The following EBF3 variants were observed in gnomAD, a reference collection of about 807,000 sequenced individuals.
EBF3 encodes transcription factor COE3.
A neutral mutation model predicts 77.1 loss-of-function variants in EBF3; 18 were observed. That is an observed-to-expected ratio of 0.23 (90% CI 0.16 to 0.35). The LOEUF is 0.35. Ranked by LOEUF, EBF3 falls within the 10% of genes least tolerant of loss-of-function variation. The pLI is 1.00. For synonymous variants in EBF3, 350 were observed against 343.5 expected (o/e 1.02, Z -0.21); for missense variants, 558 against 860.0 (o/e 0.65, Z 4.39).
intron 6 of EBF3, among the ~76,000 whole-genome samples, chr10:129,881,241 C>G (rs1853185893): frequency 6.6e-6 from 1 of 152,320 alleles, no homozygotes; most frequent in South Asian, 2.1e-4. Flanking sequence ...GATAAAAATT[C>G]TAACCTGTCA....
At chr10:129,934,098 G>A (rs1398422340) in intron 6 of EBF3, among the ~76,000 whole-genome samples, 1 of 152,168 alleles carries the variant, frequency 6.6e-6, no homozygotes, top group African/African-American at 2.4e-5. Context: ...ACATTTAGCT[G>A]AGCATCTTGT....
chr10:129,947,428 A>C lies in EBF3; in HGVS notation c.554+9830T>G, dbSNP rs773203373. Among the ~76,000 whole-genome samples, 14 of 152,180 alleles carry C rather than the reference A, an allele frequency of 9.2e-5. No homozygotes were observed. Among genetic ancestry groups the C allele is most frequent in the Non-Finnish European group, 1.8e-4 (12 of 68,034 alleles). ...TGGCAATTAGGAAAATTTGTACTTT[A>C]ATTTATTAAACCAAAAAAGCCAACA... On this transcript the variant is annotated intron_variant, in intron 6 of 16. Coordinates refer to ENST00000440978, the MANE Select transcript of EBF3 (RefSeq NM_001375380.1). The surrounding 1 kb of genome is among the most constrained non-coding windows in gnomAD (Gnocchi z 4.5).
In EBF3 at chr10:129,930,549, C is replaced by T. The variant is rs548135556; in HGVS notation, c.554+26709G>A. On this transcript the variant is annotated intron_variant, in intron 6 of 16. Coordinates refer to ENST00000440978, the MANE Select transcript of EBF3 (RefSeq NM_001375380.1). ...ATTAACAAATCCCCCTCTCATATACCTATATCTATACCTGTCTATATCTAT... is the reference window on the plus strand; with the variant it reads ...ATTAACAAATCCCCCTCTCATATACTTATATCTATACCTGTCTATATCTAT... Among the ~76,000 whole-genome samples, 8 of 144,200 alleles carry T rather than the reference C, an allele frequency of 5.5e-5. No homozygotes were observed. In the East Asian group the frequency reaches 1.5e-3, roughly 28 times the overall value. The allele number at this position is 144,200 out of a possible 152,430, so 94.6% of individuals were successfully genotyped here. A position where few individuals can be genotyped will look rare whatever the true frequency, so the allele number is the denominator to read the frequency against.
intron 7 of EBF3, among the ~76,000 whole-genome samples, chr10:129,873,816 CCTG>C (rs1852574118): frequency 1.3e-5 from 2 of 152,198 alleles, no homozygotes; most frequent in South Asian, 4.1e-4. Flanking sequence ...CTCTTCAAAA[CCTG>C]CTCCACTAAT....
At chr10:129,857,559 C>T (rs1199840499) in intron 10 of EBF3, among the ~76,000 whole-genome samples, 2 of 152,232 alleles carry the variant, frequency 1.3e-5, no homozygotes, top group Non-Finnish European at 2.9e-5. Context: ...CTCTTGTCAT[C>T]GGATGGAGTG....
intron 15 of EBF3, among the ~76,000 whole-genome samples, chr10:129,839,486 C>T (rs979917617): frequency 1.3e-5 from 2 of 152,196 alleles, no homozygotes; most frequent in Non-Finnish European, 2.9e-5. Flanking sequence ...ACAGGGTGCC[C>T]ACCCCGTGTG....
chr10:129,945,515 T>C (rs1243897136), intron 6 of EBF3, among the ~76,000 whole-genome samples: 1 of 152,208 alleles, frequency 6.6e-6, no homozygotes, highest in African/African-American at 2.4e-5. Context: ...TCTATGATGA[T>C]AAATTAGCAT....
chr10:129,876,894 C>T (rs1248644156), intron 7 of EBF3, among the ~76,000 whole-genome samples: 1 of 111,620 alleles, frequency 9.0e-6, no homozygotes, highest in Admixed American at 8.5e-5. Flanking sequence ...AACCCCCCCC[C>T]CCCCCCCACC....
At chr10:129,955,064 T>A (rs1352312103) in intron 6 of EBF3, among the ~76,000 whole-genome samples, 1 of 152,148 alleles carries the variant, frequency 6.6e-6, no homozygotes, top group Non-Finnish European at 1.5e-5. Context: ...AATTCTTCAT[T>A]TTTTTCACGT....
At chr10:129,843,939 G>T (rs1850272852) in intron 11 of EBF3, among the ~76,000 whole-genome samples, 1 of 152,248 alleles carries the variant, frequency 6.6e-6, no homozygotes, top group Admixed American at 6.5e-5. Context: ...GTTTACGATT[G>T]TGCGGATTAA....
At chr10:129,851,918 T>C (rs1850911150) in intron 10 of EBF3, among the ~76,000 whole-genome samples, 1 of 152,246 alleles carries the variant, frequency 6.6e-6, no homozygotes, top group South Asian at 2.1e-4. Flanking sequence ...TTAATATCCA[T>C]TTGAGTAGGC....
In EBF3 at chr10:129,935,169, C is replaced by G. The variant is rs144516744; in HGVS notation, c.554+22089G>C. ...ATGCATTTTCCTGTCTCCACTCCAG[C>G]CAAATGTAGCCACATTGTGAGCTGC... On this transcript the variant is annotated intron_variant, in intron 6 of 16. Transcript: ENST00000440978. The surrounding 1 kb of genome is among the most constrained non-coding windows in gnomAD (Gnocchi z 4.2). Among the ~76,000 whole-genome samples, 600 of 152,264 alleles carry G rather than the reference C, an allele frequency of 3.9e-3. 1 individual carries two copies. The highest frequency in any genetic ancestry group is 6.4e-3 in the Non-Finnish European group (432 of 68,010).
At chr10:129,961,336 T>C (rs1390717590) in intron 4 of EBF3, among the ~76,000 whole-genome samples, 2 of 151,960 alleles carry the variant, frequency 1.3e-5, no homozygotes, top group Non-Finnish European at 2.9e-5. Context: ...TTTAAGAAAA[T>C]GGGGGCGGGG....
chr10:129,953,573 T>G (rs1247215235), intron 6 of EBF3, among the ~76,000 whole-genome samples: 1 of 152,218 alleles, frequency 6.6e-6, no homozygotes, highest in Non-Finnish European at 1.5e-5. Context: ...GCCGCAGAGA[T>G]GCCAGCGAGT....
At position 129,963,935 on chromosome 10, in the gene EBF3, C is replaced by A; in HGVS notation, c.-167G>T. 9.4e-7 allele frequency: 1 copy of A among 1,064,992 alleles called. No homozygotes were observed. Among genetic ancestry groups the A allele is most frequent in the Non-Finnish European group, 1.1e-6 (1 of 883,006 alleles). The allele number at this position is 1,064,992 out of a possible 1,614,324, so 66.0% of individuals were successfully genotyped here. A position where few individuals can be genotyped will look rare whatever the true frequency, so the allele number is the denominator to read the frequency against. On this transcript the variant is annotated 5_prime_UTR_variant, in exon 1 of 17. Transcript: ENST00000440978. The surrounding 1 kb of genome is among the most constrained non-coding windows in gnomAD (Gnocchi z 7.1). ...CCGTCCCGGGCAGGCGCGACATACA[C>A]CAGCGGCCGGGCGCTCCGGACGGCC...
At chr10:129,931,712 G>A (rs1857039660) in intron 6 of EBF3, among the ~76,000 whole-genome samples, 1 of 152,192 alleles carries the variant, frequency 6.6e-6, no homozygotes, top group Non-Finnish European at 1.5e-5. Flanking sequence ...TATTGGTCTT[G>A]GTAACAGCAC....
chr10:129,912,631 T>C (rs1333059158), intron 6 of EBF3, among the ~76,000 whole-genome samples: 1 of 152,212 alleles, frequency 6.6e-6, no homozygotes, highest in Non-Finnish European at 1.5e-5. Flanking sequence ...AATATATTTT[T>C]TCCCTGTTCC....
chr10:129,856,137 C>A (rs1851236827), intron 10 of EBF3, among the ~76,000 whole-genome samples: 1 of 152,216 alleles, frequency 6.6e-6, no homozygotes, highest in African/African-American at 2.4e-5. Context: ...CACGTGCCTG[C>A]CCTACTCAGT....
intron 10 of EBF3, among the ~76,000 whole-genome samples, chr10:129,865,356 A>AT (rs1226329029): frequency 6.6e-6 from 1 of 152,128 alleles, no homozygotes; most frequent in Non-Finnish European, 1.5e-5. Flanking sequence ...ACATGTCTTT[A>AT]TTTTTTTAAA....
Sources: gnomAD v4.1 joint callset for allele counts (sites outside exome capture counted in the v4.1 genomes callset) on GRCh38, gnomAD v4.1.1 for gene constraint, Gnocchi (gnomAD v3.1) non-coding constraint, MANE v1.5 for transcripts, NCBI Gene and HGNC (gene_info 2026-07-23, HGNC 2026-07-21) for gene names.